The following APLF variants were observed in gnomAD, a reference collection of about 807,000 sequenced individuals.
APLF encodes aprataxin and PNKP like factor.
In APLF, 61 loss-of-function variants were observed where a neutral mutation model predicts 55.6. The observed-to-expected ratio is 1.10, with a 90% CI of 0.89 to 1.36. APLF has a LOEUF of 1.36. APLF is among the 40% of genes most tolerant of loss of function. The probability of loss-of-function intolerance (pLI) is 0.00; values close to 1 mark genes in which losing one functional copy is unlikely to be tolerated. For missense variants in APLF, 611 were observed against 602.5 expected (o/e 1.01, Z -0.15); for synonymous variants, 207 against 214.8 (o/e 0.96, Z 0.32).
chr2:68,579,488 A>G lies in APLF; in HGVS notation c.*1466A>G. ...AAACATTTCCACATAAAAACTGTAC[A>G]CAATGTCAATAGAAGCATTATTCTT... On this transcript the variant is annotated 3_prime_UTR_variant, in exon 10 of 10. Coordinates refer to ENST00000303795, the MANE Select transcript of APLF (RefSeq NM_173545.3). 1.3e-6 allele frequency: 1 copy of G among 770,974 alleles called. No homozygotes were observed. Among genetic ancestry groups the G allele is most frequent in the Non-Finnish European group, 1.6e-6 (1 of 634,550 alleles). 47.8% of individuals were successfully genotyped at this position (770,974 alleles called of 1,614,324 possible).
At chr2:68,533,070 G>T (rs1670301190) in intron 6 of APLF, among the ~76,000 whole-genome samples, 1 of 152,058 alleles carries the variant, frequency 6.6e-6, no homozygotes, top group African/African-American at 2.4e-5. Flanking sequence ...TAAAAAAAAG[G>T]TCGGGGGCTT....
intron 9 of APLF, among the ~76,000 whole-genome samples, chr2:68,567,739 C>T (rs994313664): frequency 1.8e-4 from 28 of 152,030 alleles, no homozygotes; most frequent in Non-Finnish European, 2.8e-4. Flanking sequence ...TGCTTTGGCT[C>T]ATTAATAATG....
intron 1 of APLF, among the ~76,000 whole-genome samples, chr2:68,472,568 G>T (rs1394385394): frequency 1.3e-5 from 2 of 152,136 alleles, no homozygotes; most frequent in Non-Finnish European, 2.9e-5. Flanking sequence ...ATGTCACAGG[G>T]TACAGAGAGG....
chr2:68,515,737 G>A, intron 5 of APLF: 1 of 983,044 alleles, frequency 1.0e-6, no homozygotes, highest in Non-Finnish European at 1.2e-6. Context: ...TTGGATTCAG[G>A]TAATCTTTTT....
chr2:68,557,163 T>C (rs1671039971), intron 8 of APLF, among the ~76,000 whole-genome samples: 2 of 152,192 alleles, frequency 1.3e-5, no homozygotes, highest in Admixed American at 6.6e-5. Flanking sequence ...TTATGTACAA[T>C]AGTATAGTAT....
intron 2 of APLF, among the ~76,000 whole-genome samples, chr2:68,502,219 C>T (rs1255000919): frequency 6.6e-6 from 1 of 152,054 alleles, no homozygotes; most frequent in Non-Finnish European, 1.5e-5. Flanking sequence ...TTGGAGTTTC[C>T]AACACATGGA....
At chr2:68,519,289 A>T (rs997136558) in intron 5 of APLF, among the ~76,000 whole-genome samples, 4 of 143,812 alleles carry the variant, frequency 2.8e-5, no homozygotes, top group Non-Finnish European at 4.5e-5. Context: ...TATATTGTAT[A>T]TATAAAATGT....
At chr2:68,479,183 C>T (rs1221342544) in intron 1 of APLF, among the ~76,000 whole-genome samples, 2 of 152,098 alleles carry the variant, frequency 1.3e-5, no homozygotes, top group Admixed American at 6.6e-5. Flanking sequence ...ACACAGTACT[C>T]TATGGAAAAG....
intron 1 of APLF, among the ~76,000 whole-genome samples, chr2:68,486,007 T>C (rs1466651607): frequency 2.0e-5 from 3 of 151,960 alleles, no homozygotes; most frequent in African/African-American, 7.3e-5. Flanking sequence ...TAGATTTGTA[T>C]GGAATCATGG....
intron 2 of APLF, among the ~76,000 whole-genome samples, chr2:68,496,764 C>G (rs1676561691): frequency 6.6e-6 from 1 of 152,146 alleles, no homozygotes; most frequent in African/African-American, 2.4e-5. Context: ...CATACTTGAC[C>G]TTTGCTCTAG....
intron 1 of APLF, among the ~76,000 whole-genome samples, chr2:68,478,997 A>G (rs928707195): frequency 2.0e-5 from 3 of 152,200 alleles, no homozygotes; most frequent in Admixed American, 2.0e-4. Flanking sequence ...GAAGTCAGGA[A>G]GTACCTTGCC....
At chr2:68,480,616 A>G (rs1219361727) in intron 1 of APLF, among the ~76,000 whole-genome samples, 5 of 150,634 alleles carry the variant, frequency 3.3e-5, no homozygotes, top group Admixed American at 3.3e-4. Context: ...TTTTTTTCTT[A>G]CCTAATTGCT....
chr2:68,528,932 G>A (rs1345448733), intron 6 of APLF: 1 of 1,522,390 alleles, frequency 6.6e-7, no homozygotes, highest in African/African-American at 1.4e-5. Flanking sequence ...ATTGCTACAG[G>A]GGCCCCTTTT....
intron 2 of APLF, among the ~76,000 whole-genome samples, chr2:68,495,379 G>A (rs1054397101): frequency 6.6e-6 from 1 of 152,182 alleles, no homozygotes; most frequent in Non-Finnish European, 1.5e-5. Context: ...CCCAACACAA[G>A]TTCAAAACCC....
chr2:68,499,045 A>C (rs1676641686), intron 2 of APLF, among the ~76,000 whole-genome samples: 1 of 152,178 alleles, frequency 6.6e-6, no homozygotes, highest in South Asian at 2.1e-4. Flanking sequence ...TTAAACAAAC[A>C]AACAAAACAC....
intron 9 of APLF, among the ~76,000 whole-genome samples, chr2:68,572,391 TA>T (rs1289850816): frequency 2.0e-5 from 3 of 152,330 alleles, no homozygotes; most frequent in Non-Finnish European, 4.4e-5. Context: ...GCAAAATATT[TA>T]TTTACTTAAT....
intron 5 of APLF, among the ~76,000 whole-genome samples, chr2:68,518,649 A>C (rs1669754132): frequency 8.0e-6 from 1 of 125,734 alleles, no homozygotes; most frequent in Admixed American, 8.9e-5. Context: ...TCATTAATAT[A>C]TCATGAATAT....
chr2:68,532,369 T>C (rs1397986627), intron 6 of APLF, among the ~76,000 whole-genome samples: 2 of 152,212 alleles, frequency 1.3e-5, no homozygotes, highest in Non-Finnish European at 1.5e-5. Flanking sequence ...AAATCACTTA[T>C]GCCCAACTAG....
intron 1 of APLF, among the ~76,000 whole-genome samples, chr2:68,478,375 T>C (rs1675845444): frequency 6.6e-6 from 1 of 152,192 alleles, no homozygotes; most frequent in Non-Finnish European, 1.5e-5. Flanking sequence ...AAAACACCTT[T>C]TTATCTTGTA....
Sources: allele counts gnomAD v4.1 joint callset (sites outside exome capture counted in the v4.1 genomes callset), GRCh38; gene constraint gnomAD v4.1.1; transcripts MANE v1.5; gene names NCBI Gene and HGNC (gene_info 2026-07-23, HGNC 2026-07-21).